The following ATP9A variants were observed in gnomAD, a reference collection of about 807,000 sequenced individuals.
The protein encoded by ATP9A is ATPase phospholipid transporting 9A.
Under a neutral mutation model 144.1 loss-of-function variants are expected in ATP9A, and 52 were observed. The ratio of observed to expected loss-of-function variants is 0.36; its 90% confidence interval spans 0.29 to 0.45. The LOEUF (loss-of-function observed/expected upper bound fraction) is 0.45, where lower values mean the gene tolerates loss of function less well. Among genes scored for constraint, ATP9A ranks in the 20% least tolerant of loss-of-function variants. The probability of loss-of-function intolerance (pLI) is 1.00; values close to 1 mark genes in which losing one functional copy is unlikely to be tolerated. For missense variants in ATP9A, 947 were observed against 1,392.7 expected (o/e 0.68, Z 5.09); for synonymous variants, 582 against 557.4 (o/e 1.04, Z -0.62).
chr20:51,690,294 C>T (rs1300062611), intron 8 of ATP9A, among the ~76,000 whole-genome samples: 1 of 151,930 alleles, frequency 6.6e-6, no homozygotes, highest in Admixed American at 6.6e-5. Context: ...GTGGCGGGCG[C>T]CTGTAATCCC....
intron 1 of ATP9A, among the ~76,000 whole-genome samples, chr20:51,767,833 C>A (rs2077912030): frequency 6.6e-6 from 1 of 152,194 alleles, no homozygotes; most frequent in African/African-American, 2.4e-5. Flanking sequence ...TGGGGTACCC[C>A]GAGGCGTAGG....
At chr20:51,710,655 T>C (rs569119873) in intron 4 of ATP9A, among the ~76,000 whole-genome samples, 1 of 151,830 alleles carries the variant, frequency 6.6e-6, no homozygotes, top group South Asian at 2.1e-4. Context: ...AACTGTGTTC[T>C]GTTTTCCCTA....
At chr20:51,627,452 G>A (rs914421767) in intron 17 of ATP9A, 148 bp downstream of exon 17, 11 of 721,442 alleles carry the variant, frequency 1.5e-5, no homozygotes, top group South Asian at 1.4e-4. Flanking sequence ...CAGACAGAAC[G>A]GCAAGTGCAA....
chr20:51,627,921 G>A (rs1156714219), intron 16 of ATP9A, among the ~76,000 whole-genome samples: 2 of 152,186 alleles, frequency 1.3e-5, no homozygotes, highest in African/African-American at 2.4e-5. Flanking sequence ...ACTAGCACAT[G>A]TATGTTTCCA....
At chr20:51,728,626 C>CAAAA (rs3030165) in intron 2 of ATP9A, among the ~76,000 whole-genome samples, 2 of 130,034 alleles carry the variant, frequency 1.5e-5, no homozygotes, top group African/African-American at 3.0e-5. Flanking sequence ...GACTCCATCT[C>CAAAA]AAAAAAAAAA....
chr20:51,768,308 C>A lies in ATP9A; in HGVS notation c.62G>T (p.Arg21Leu). The change falls in exon 1 of 28, where the codon CGC becomes CTC. Residue 21 changes from arginine to leucine, a missense_variant. Arg to Leu is a moderately radical substitution (Grantham distance 102). Transcript: ENST00000338821. ...CGGGCCCAGGCCCACTCACCCGGCG[C>A]GGGGCCTGCTGTCCATCCGCTTCTT... ...RQKKRMDSRPRAGCCEWLRCC... is the reference protein window; with the variant it reads ...RQKKRMDSRPLAGCCEWLRCC... 1 of 1,302,952 alleles carries A rather than the reference C, an allele frequency of 7.7e-7. No individual in the cohort carries two copies. The highest frequency in any genetic ancestry group is 9.8e-7 in the Non-Finnish European group (1 of 1,016,244). The allele number at this position is 1,302,952 out of a possible 1,614,324, so 80.7% of individuals were successfully genotyped here.
chr20:51,612,112 T>C (rs531896352), intron 23 of ATP9A, among the ~76,000 whole-genome samples: 1 of 152,278 alleles, frequency 6.6e-6, no homozygotes. Flanking sequence ...AACGTCTCTG[T>C]TTTTCACAGT....
At chr20:51,674,915 C>A (rs534134948) in intron 10 of ATP9A, among the ~76,000 whole-genome samples, 38 of 152,242 alleles carry the variant, frequency 2.5e-4, no homozygotes, top group African/African-American at 9.1e-4. Flanking sequence ...TGGGTTCAAG[C>A]GATTCTCCTA....
chr20:51,673,877 C>T (rs2077466462), intron 11 of ATP9A, among the ~76,000 whole-genome samples: 1 of 152,006 alleles, frequency 6.6e-6, no homozygotes, highest in Admixed American at 6.6e-5. Flanking sequence ...TGGTGAAACC[C>T]CATCTTTACT....
chr20:51,701,917 T>C (rs1320487382), intron 4 of ATP9A, among the ~76,000 whole-genome samples: 1 of 152,106 alleles, frequency 6.6e-6, no homozygotes, highest in Non-Finnish European at 1.5e-5. Context: ...TCCTAGCACT[T>C]TGGGAGGCCG....
At chr20:51,686,858 C>G (rs2077525267) in intron 9 of ATP9A, among the ~76,000 whole-genome samples, 1 of 151,298 alleles carries the variant, frequency 6.6e-6, no homozygotes, top group South Asian at 2.1e-4. Context: ...TCACGTGAAC[C>G]TGGGAGGCGG....
At chr20:51,604,103 G>A (rs1028944356) in intron 27 of ATP9A, among the ~76,000 whole-genome samples, 1 of 152,138 alleles carries the variant, frequency 6.6e-6, no homozygotes, top group Non-Finnish European at 1.5e-5. Context: ...TATTTGGGGT[G>A]TGCCTGGGCG....
At chr20:51,730,796 T>C (rs906208882) in intron 1 of ATP9A, among the ~76,000 whole-genome samples, 4 of 152,204 alleles carry the variant, frequency 2.6e-5, no homozygotes, top group Non-Finnish European at 5.9e-5. Flanking sequence ...TACAGTATTC[T>C]AATCTAATGG....
At chr20:51,604,528 T>C (rs943679537) in intron 27 of ATP9A, among the ~76,000 whole-genome samples, 1 of 152,142 alleles carries the variant, frequency 6.6e-6, no homozygotes, top group Admixed American at 6.5e-5. Flanking sequence ...CAAAAAGATT[T>C]TGTGGCCCAA....
At chr20:51,628,010 C>A (rs757101014) in intron 16 of ATP9A, among the ~76,000 whole-genome samples, 4 of 152,140 alleles carry the variant, frequency 2.6e-5, no homozygotes, top group Non-Finnish European at 5.9e-5. Flanking sequence ...TCTGACAAAA[C>A]CAGGTGCATT....
At chr20:51,715,574 C>T (rs1490979164) in intron 3 of ATP9A, among the ~76,000 whole-genome samples, 2 of 152,180 alleles carry the variant, frequency 1.3e-5, no homozygotes, top group Non-Finnish European at 2.9e-5. Context: ...AGGAGCCGCT[C>T]ACTAACCTCC....
chr20:51,678,359 A>G (rs1026320867), intron 9 of ATP9A, among the ~76,000 whole-genome samples: 1 of 152,176 alleles, frequency 6.6e-6, no homozygotes, highest in African/African-American at 2.4e-5. Flanking sequence ...AAATCCGAAG[A>G]GGCTGAAGCA....
rs115557701 is a variant in ATP9A, at chr20:51,664,575, A to G, written c.1293+5422T>C. Among the ~76,000 whole-genome samples the G allele has an allele frequency of 5.4e-3, 815 of 152,248 alleles. 5 individuals carry two copies. The highest frequency in any genetic ancestry group is 0.018 in the African/African-American group (761 of 41,536). ...TGCACCGTAGTCTGGGTAAGAGAGT[A>G]TAAGACTCTGTCTCAAAAAAATAAA... On this transcript the variant is annotated intron_variant, in intron 13 of 27. Transcript: ENST00000338821.
chr20:51,671,942 G>T (rs1185647148), intron 11 of ATP9A, among the ~76,000 whole-genome samples: 3 of 152,104 alleles, frequency 2.0e-5, no homozygotes, highest in African/African-American at 4.8e-5. Flanking sequence ...GGGATTACAG[G>T]TGTGTGCCAC....
Sources: allele counts gnomAD v4.1 joint callset (sites outside exome capture counted in the v4.1 genomes callset), GRCh38; gene constraint gnomAD v4.1.1; transcripts MANE v1.5; gene names NCBI Gene and HGNC (gene_info 2026-07-23, HGNC 2026-07-21).